HDAC9: variants seen among roughly 807,000 people sequenced by gnomAD.
The protein encoded by HDAC9 is MEF-2 interacting transcription repressor (MITR) protein.
A neutral mutation model predicts 139.4 loss-of-function variants in HDAC9; 41 were observed. The observed-to-expected ratio is 0.29, with a 90% CI of 0.23 to 0.38. The LOEUF is 0.38. Among genes scored for constraint, HDAC9 ranks in the 10% least tolerant of loss-of-function variants. The pLI is 1.00. For synonymous variants in HDAC9, 517 were observed against 476.2 expected, an observed-to-expected ratio of 1.09 and a Z score of -1.12; for missense variants, 1,147 against 1,297.0, an observed-to-expected ratio of 0.88 and a Z score of 1.78.
At chr7:18,493,993 A>G (rs1368730076), upstream of HDAC9, among the ~76,000 whole-genome samples, 6 of 152,138 alleles carry the variant, frequency 3.9e-5, no homozygotes, top group East Asian at 1.2e-3. Context: ...ACTTCAGTAC[A>G]TCATCCTTAA....
At chr7:18,697,585 G>A (rs374344815) in intron 12 of HDAC9, among the ~76,000 whole-genome samples, 41 of 152,190 alleles carry the variant, frequency 2.7e-4, no homozygotes, top group African/African-American at 7.5e-4. Context: ...CTTTTCAACT[G>A]TAATACCACC....
At chr7:18,921,951 C>T (rs1260700165) in intron 22 of HDAC9, among the ~76,000 whole-genome samples, 6 of 151,810 alleles carry the variant, frequency 4.0e-5, no homozygotes, top group Non-Finnish European at 7.4e-5. Flanking sequence ...AGCTGGAAAC[C>T]ATCATTCTCA....
chr7:18,859,807 C>G (rs1366147417), intron 21 of HDAC9, among the ~76,000 whole-genome samples: 3 of 99,088 alleles, frequency 3.0e-5, no homozygotes, highest in African/African-American at 1.1e-4. Context: ...AAGGCTAACG[C>G]TCTCATATAT....
intron 1 of HDAC9, among the ~76,000 whole-genome samples, chr7:18,483,220 A>T (rs1795718158): frequency 6.6e-6 from 1 of 152,234 alleles, no homozygotes; most frequent in Admixed American, 6.5e-5. Context: ...AAAGGCTTCA[A>T]TGAGTATTAT....
chr7:18,452,670 G>A (rs1024345807), intron 1 of HDAC9, among the ~76,000 whole-genome samples: 6 of 152,122 alleles, frequency 3.9e-5, no homozygotes, highest in Admixed American at 6.5e-5. Flanking sequence ...CATGGGGACA[G>A]GTTTTTCCCA....
chr7:18,116,690 A>G (rs999467135), intron 1 of HDAC9, among the ~76,000 whole-genome samples: 1 of 152,158 alleles, frequency 6.6e-6, no homozygotes, highest in East Asian at 1.9e-4. Context: ...AATCAACTCT[A>G]TTATTCTAGG....
intron 2 of HDAC9, among the ~76,000 whole-genome samples, chr7:18,186,224 C>T (rs2128145096): frequency 6.6e-6 from 1 of 152,344 alleles, no homozygotes; most frequent in African/African-American, 2.4e-5. Context: ...CAAGGTAGCG[C>T]TAACCCTCTG....
At chr7:18,722,524 A>G (rs556849943) in intron 12 of HDAC9, among the ~76,000 whole-genome samples, 2 of 152,166 alleles carry the variant, frequency 1.3e-5, no homozygotes, top group Non-Finnish European at 2.9e-5. Flanking sequence ...AAAACTACTA[A>G]TGGTAAAAAA....
chr7:18,638,068 A>G (rs1043046387), intron 8 of HDAC9, among the ~76,000 whole-genome samples: 3 of 151,992 alleles, frequency 2.0e-5, no homozygotes, highest in Non-Finnish European at 4.4e-5. Flanking sequence ...AATATATTGC[A>G]CTCTAAAAAA....
At chr7:18,168,757 G>C (rs766663672) in intron 2 of HDAC9, among the ~76,000 whole-genome samples, 2 of 151,990 alleles carry the variant, frequency 1.3e-5, no homozygotes. Flanking sequence ...GAATGTCAAC[G>C]TATAGCAGTT....
At chr7:18,167,921 A>G (rs1584426041) in intron 2 of HDAC9, among the ~76,000 whole-genome samples, 1 of 152,214 alleles carries the variant, frequency 6.6e-6, no homozygotes, top group Admixed American at 6.5e-5. Context: ...GCAGTATTTT[A>G]TAATGCACTC....
chr7:18,165,451 A>C (rs371051330), intron 2 of HDAC9, among the ~76,000 whole-genome samples: 1 of 152,192 alleles, frequency 6.6e-6, no homozygotes, highest in African/African-American at 2.4e-5. Context: ...GAGCAAAACT[A>C]TGCTAATTCA....
intron 2 of HDAC9, among the ~76,000 whole-genome samples, chr7:18,525,626 G>A (rs1056954129): frequency 6.6e-6 from 1 of 151,978 alleles, no homozygotes; most frequent in African/African-American, 2.4e-5. Flanking sequence ...CTAGTTCCCA[G>A]TTTTTCATAT....
At chr7:18,754,188 A>G (rs1788690124) in intron 14 of HDAC9, among the ~76,000 whole-genome samples, 1 of 151,960 alleles carries the variant, frequency 6.6e-6, no homozygotes, top group Non-Finnish European at 1.5e-5. Context: ...AATCATTCAT[A>G]CTTAGTTTAG....
chr7:18,564,043 G>A (rs1299633166), intron 2 of HDAC9, among the ~76,000 whole-genome samples: 1 of 151,904 alleles, frequency 6.6e-6, no homozygotes, highest in Non-Finnish European at 1.5e-5. Flanking sequence ...CACCATGTTG[G>A]CCAGGATGGT....
intron 2 of HDAC9, among the ~76,000 whole-genome samples, chr7:18,569,012 A>G (rs527382383): frequency 6.6e-6 from 1 of 152,130 alleles, no homozygotes; most frequent in South Asian, 2.1e-4. Context: ...ACGCCATTGC[A>G]CTCCAGCCTG....
At chr7:18,476,734 T>C (rs1165086488) in intron 1 of HDAC9, among the ~76,000 whole-genome samples, 1 of 152,190 alleles carries the variant, frequency 6.6e-6, no homozygotes, top group African/African-American at 2.4e-5. Flanking sequence ...AATAAACTTA[T>C]CTGTATATCT....
At chr7:18,267,977 C>G (rs1195072412) in intron 2 of HDAC9, among the ~76,000 whole-genome samples, 1 of 152,064 alleles carries the variant, frequency 6.6e-6, no homozygotes, top group Non-Finnish European at 1.5e-5. Context: ...CAATTTTACT[C>G]TTTCTTTACA....
At chr7:18,954,360 C>T (rs1783004816) in intron 24 of HDAC9, 130 bp downstream of exon 24, 1 of 720,816 alleles carries the variant, frequency 1.4e-6, no homozygotes, top group African/African-American at 1.8e-5. Context: ...AAGTATATAT[C>T]TTAATGTGTT....
Sources: allele counts gnomAD v4.1 joint callset (sites outside exome capture counted in the v4.1 genomes callset), GRCh38; gene constraint gnomAD v4.1.1; transcripts MANE v1.5; gene names NCBI Gene and HGNC (gene_info 2026-07-23, HGNC 2026-07-21).